The following TYW1B variants were observed in gnomAD, a reference collection of about 807,000 sequenced individuals.
The protein encoded by TYW1B is S-adenosyl-L-methionine-dependent tRNA 4-demethylwyosine synthase TYW1B.
A neutral mutation model predicts 86.9 loss-of-function variants in TYW1B; 73 were observed. The observed-to-expected ratio is 0.84, with a 90% CI of 0.70 to 1.02. TYW1B has a LOEUF of 1.02. TYW1B is among the 50% of genes least tolerant of loss of function. The pLI, the probability that TYW1B is intolerant of heterozygous loss-of-function variation, is 0.00. For missense variants in TYW1B, 637 were observed against 827.4 expected, an observed-to-expected ratio of 0.77 and a Z score of 2.82; for synonymous variants, 248 against 292.8, an observed-to-expected ratio of 0.85 and a Z score of 1.56.
chr7:72,795,655 T>C (rs1554474343), intron 6 of TYW1B, among the ~76,000 whole-genome samples: 2 of 144,120 alleles, frequency 1.4e-5, no homozygotes, highest in Non-Finnish European at 3.1e-5. Flanking sequence ...TAAAGGCACA[T>C]TGTTCCCTCT....
intron 7 of TYW1B, among the ~76,000 whole-genome samples, chr7:72,770,080 A>C (rs1554469231): frequency 6.6e-6 from 1 of 151,682 alleles, no homozygotes; most frequent in East Asian, 1.9e-4. Flanking sequence ...CTCGAAAAAA[A>C]AAAAAACAAA....
At chr7:72,623,684 A>G (rs1256828024) in intron 12 of TYW1B, among the ~76,000 whole-genome samples, 1 of 152,156 alleles carries the variant, frequency 6.6e-6, no homozygotes, top group African/African-American at 2.4e-5. Context: ...TATGGTTTTC[A>G]TAACAGATTC....
At chr7:72,826,761 A>G (rs1384845098) in intron 2 of TYW1B, 94 bp downstream of exon 2, 1 of 1,485,020 alleles carries the variant, frequency 6.7e-7, no homozygotes, top group Non-Finnish European at 9.0e-7. Flanking sequence ...TCTAAAGACC[A>G]AACACAAAAG....
chr7:72,576,064 G>A (rs1430826811), intron 13 of TYW1B, among the ~76,000 whole-genome samples: 2 of 152,172 alleles, frequency 1.3e-5, no homozygotes, highest in Non-Finnish European at 2.9e-5. Flanking sequence ...TGCTGTTGCC[G>A]CTTTTGATCG....
chr7:72,800,416 C>T (rs1466108376), intron 6 of TYW1B, among the ~76,000 whole-genome samples: 7 of 151,918 alleles, frequency 4.6e-5, no homozygotes, highest in Non-Finnish European at 1.0e-4. Context: ...TGAGCCTGGT[C>T]CCAAACTTCT....
chr7:72,778,192 G>C (rs2129572052), intron 6 of TYW1B, among the ~76,000 whole-genome samples: 1 of 152,148 alleles, frequency 6.6e-6, no homozygotes, highest in Non-Finnish European at 1.5e-5. Context: ...TATTTTCTCT[G>C]AATTTCAATT....
At chr7:72,821,430 G>A (rs1488037725) in intron 2 of TYW1B, among the ~76,000 whole-genome samples, 7 of 152,246 alleles carry the variant, frequency 4.6e-5, no homozygotes, top group African/African-American at 9.6e-5. Flanking sequence ...ATTAACCTTT[G>A]TAGGCAAGAA....
chr7:72,621,708 A>C (rs1554438001), intron 12 of TYW1B, among the ~76,000 whole-genome samples: 1 of 152,210 alleles, frequency 6.6e-6, no homozygotes, highest in Admixed American at 6.5e-5. Flanking sequence ...ACCCCAAATC[A>C]ATCTATGCTA....
intron 8 of TYW1B, among the ~76,000 whole-genome samples, chr7:72,735,326 T>C (rs1209096094): frequency 6.6e-6 from 1 of 152,070 alleles, no homozygotes; most frequent in African/African-American, 2.4e-5. Context: ...TCCCAGCACT[T>C]TGGGAGGCTG....
intron 3 of TYW1B, among the ~76,000 whole-genome samples, chr7:72,811,535 T>C (rs1788619276): frequency 6.6e-6 from 1 of 151,962 alleles, no homozygotes; most frequent in Non-Finnish European, 1.5e-5. Context: ...TTTAAATCTC[T>C]GAAATCTCCA....
intron 11 of TYW1B, among the ~76,000 whole-genome samples, chr7:72,689,413 G>A (rs782251884): frequency 3.3e-5 from 5 of 152,078 alleles, no homozygotes; most frequent in Non-Finnish European, 5.9e-5. Flanking sequence ...TTTTCAAAAT[G>A]TTCAAAAGTG....
At chr7:72,732,792 A>G (rs1300141357) in intron 8 of TYW1B, among the ~76,000 whole-genome samples, 1 of 152,116 alleles carries the variant, frequency 6.6e-6, no homozygotes, top group Non-Finnish European at 1.5e-5. Context: ...TGAGACTAAA[A>G]GAACACAAAA....
intron 3 of TYW1B, among the ~76,000 whole-genome samples, chr7:72,814,924 C>G (rs1788693159): frequency 1.3e-5 from 2 of 150,396 alleles, no homozygotes; most frequent in Admixed American, 6.6e-5. Context: ...AAAAAATTAG[C>G]TGGGCATGGT....
At chr7:72,742,385 G>A (rs1312848060) in intron 8 of TYW1B, among the ~76,000 whole-genome samples, 4 of 152,086 alleles carry the variant, frequency 2.6e-5, no homozygotes, top group East Asian at 1.9e-4. Flanking sequence ...CCACCCTGGC[G>A]TCCCAAGGTG....
intron 7 of TYW1B, among the ~76,000 whole-genome samples, chr7:72,761,359 T>C (rs1201603180): frequency 1.3e-5 from 2 of 152,114 alleles, no homozygotes; most frequent in African/African-American, 2.4e-5. Flanking sequence ...TATAATTCTA[T>C]ATATAAAATG....
At chr7:72,627,140 T>C (rs1812365505) in intron 12 of TYW1B, among the ~76,000 whole-genome samples, 1 of 151,962 alleles carries the variant, frequency 6.6e-6, no homozygotes. Context: ...ACCATTTACG[T>C]ATCAGTTTTT....
At chr7:72,647,777 C>T (rs1262874668) in intron 11 of TYW1B, among the ~76,000 whole-genome samples, 2 of 152,074 alleles carry the variant, frequency 1.3e-5, no homozygotes, top group African/African-American at 4.8e-5. Context: ...CTCGACTTCC[C>T]AGGCTCAAAC....
At chr7:72,756,977 C>A (rs1787601033) in intron 7 of TYW1B, among the ~76,000 whole-genome samples, 1 of 152,060 alleles carries the variant, frequency 6.6e-6, no homozygotes, top group African/African-American at 2.4e-5. Context: ...AAAAAATGAA[C>A]AATAACAAAT....
chr7:72,584,044 TTTTTG>T (rs782382655), intron 13 of TYW1B, among the ~76,000 whole-genome samples: 2 of 152,082 alleles, frequency 1.3e-5, no homozygotes, highest in African/African-American at 4.8e-5. Flanking sequence ...AAAGAGAGGC[TTTTTG>T]TTTTGTTTTG....
Sources: gnomAD v4.1 joint callset for allele counts (sites outside exome capture counted in the v4.1 genomes callset) on GRCh38, gnomAD v4.1.1 for gene constraint, MANE v1.5 for transcripts, NCBI Gene and HGNC (gene_info 2026-07-23, HGNC 2026-07-21) for gene names.